RAD51B: variants seen among roughly 807,000 people sequenced by gnomAD.
The protein encoded by RAD51B is DNA repair protein RAD51 homolog 2.
A neutral mutation model predicts 42.2 loss-of-function variants in RAD51B; 38 were observed. The ratio of observed to expected loss-of-function variants is 0.90; its 90% CI spans 0.70 to 1.18. The LOEUF (loss-of-function observed/expected upper bound fraction) is 1.18, where lower values mean the gene tolerates loss of function less well. Among genes scored for constraint, RAD51B ranks in the 50% most tolerant of loss-of-function variants. The pLI, the probability that RAD51B is intolerant of heterozygous loss-of-function variation, is 0.00. For missense variants in RAD51B, 373 were observed against 400.7 expected (o/e 0.93, Z 0.59); for synonymous variants, 154 against 145.2 (o/e 1.06, Z -0.43).
chr14:68,008,537 C>A (rs2075629526), intron 7 of RAD51B, among the ~76,000 whole-genome samples: 1 of 151,764 alleles, frequency 6.6e-6, no homozygotes, highest in East Asian at 1.9e-4. Context: ...CTGAATTTCC[C>A]AGATTTTTAA....
chr14:68,504,374 G>A lies in RAD51B; in HGVS notation c.1036+36124G>A, dbSNP rs1463480399. On this transcript the variant is annotated intron_variant, in intron 10 of 10. Coordinates refer to the RAD51B transcript ENST00000487270. ...AAATCCCCTCTTTGTTCACCCATAT[G>A]CACATTCTTTAATTTAGGCATGGTT... is the stretch of plus-strand genomic sequence containing the variant. 5.3e-5 allele frequency among the ~76,000 whole-genome samples: 8 copies of A among 152,314 alleles called. No individual in the cohort carries two copies. In the East Asian group the frequency reaches 1.5e-3, roughly 29 times the overall value.
chr14:67,953,545 G>C (rs890648243), intron 7 of RAD51B, among the ~76,000 whole-genome samples: 1 of 152,124 alleles, frequency 6.6e-6, no homozygotes, highest in African/African-American at 2.4e-5. Context: ...GCTTTAGAAT[G>C]ATTAATGGGA....
At chr14:68,127,246 C>G (rs1272587456) in intron 7 of RAD51B, among the ~76,000 whole-genome samples, 1 of 152,116 alleles carries the variant, frequency 6.6e-6, no homozygotes, top group African/African-American at 2.4e-5. Flanking sequence ...AGCTATAGAT[C>G]AGGCAACAAC....
intron 10 of RAD51B, among the ~76,000 whole-genome samples, chr14:68,469,293 A>T (rs1043908070): frequency 3.3e-5 from 5 of 152,256 alleles, no homozygotes; most frequent in African/African-American, 1.2e-4. Flanking sequence ...AGCAGGGAAT[A>T]TGCAGGGCAG....
chr14:67,987,338 C>T (rs1180927470), intron 7 of RAD51B, among the ~76,000 whole-genome samples: 1 of 152,058 alleles, frequency 6.6e-6, no homozygotes, highest in Non-Finnish European at 1.5e-5. Flanking sequence ...CCGCTAAGTC[C>T]CCACTACCCT....
intron 10 of RAD51B, chr14:68,497,225 T>C: frequency 7.3e-7 from 1 of 1,373,602 alleles, no homozygotes. Flanking sequence ...GAAAGAGTCT[T>C]GTGGTGAAAC....
intron 7 of RAD51B, among the ~76,000 whole-genome samples, chr14:68,089,619 C>G (rs1163255766): frequency 6.6e-6 from 1 of 152,218 alleles, no homozygotes; most frequent in Admixed American, 6.5e-5. Flanking sequence ...GCCTGGGCCT[C>G]TCAAATTGAG....
At chr14:68,160,152 T>G (rs143574286) in intron 7 of RAD51B, among the ~76,000 whole-genome samples, 1 of 152,294 alleles carries the variant, frequency 6.6e-6, no homozygotes, top group African/African-American at 2.4e-5. Flanking sequence ...TGCTGGGAAA[T>G]GTAACATACT....
chr14:68,418,850 G>C (rs1016364700), intron 9 of RAD51B, among the ~76,000 whole-genome samples: 2 of 152,126 alleles, frequency 1.3e-5, no homozygotes, highest in Non-Finnish European at 2.9e-5. Flanking sequence ...AAAGTAAAAA[G>C]GAAAGAAGGG....
chr14:68,547,268 G>A (rs766361124), intron 10 of RAD51B, among the ~76,000 whole-genome samples: 1 of 152,156 alleles, frequency 6.6e-6, no homozygotes, highest in Non-Finnish European at 1.5e-5. Flanking sequence ...ACCTTGTGTC[G>A]GGATTAACCT....
chr14:68,363,734 G>T (rs1158631595), intron 8 of RAD51B, among the ~76,000 whole-genome samples: 6 of 152,232 alleles, frequency 3.9e-5, no homozygotes, highest in African/African-American at 1.4e-4. Flanking sequence ...CTCCCGGCGG[G>T]GAGTGGGAGT....
intron 10 of RAD51B, among the ~76,000 whole-genome samples, chr14:68,592,000 G>C (rs1467011386): frequency 6.6e-6 from 1 of 152,142 alleles, no homozygotes; most frequent in Non-Finnish European, 1.5e-5. Flanking sequence ...TGACTTCCAG[G>C]TAGTCAAAGA....
intron 7 of RAD51B, among the ~76,000 whole-genome samples, chr14:68,025,689 T>C (rs1429462563): frequency 2.0e-5 from 3 of 151,982 alleles, no homozygotes; most frequent in African/African-American, 7.2e-5. Flanking sequence ...TCTCTGAGGA[T>C]CTTTCGTTTT....
intron 10 of RAD51B, among the ~76,000 whole-genome samples, chr14:68,621,989 A>G (rs950510262): frequency 6.6e-6 from 1 of 152,158 alleles, no homozygotes; most frequent in Non-Finnish European, 1.5e-5. Context: ...AGGCCCACAG[A>G]GGGTTCCTCT....
At chr14:68,540,494 A>G (rs1887903858) in intron 10 of RAD51B, 1 of 985,236 alleles carries the variant, frequency 1.0e-6, no homozygotes, top group Non-Finnish European at 1.2e-6. Flanking sequence ...TTTATTGCTC[A>G]GCTTGTTCCC....
chr14:68,161,591 C>T (rs1028712692), intron 7 of RAD51B, among the ~76,000 whole-genome samples: 1 of 152,140 alleles, frequency 6.6e-6, no homozygotes, highest in South Asian at 2.1e-4. Context: ...TAAGTCTTTT[C>T]CCCCCAAAAG....
intron 9 of RAD51B, among the ~76,000 whole-genome samples, chr14:68,467,842 G>A (rs2140232181): frequency 6.6e-6 from 1 of 152,330 alleles, no homozygotes; most frequent in South Asian, 2.1e-4. Context: ...AATAAAATTA[G>A]AGAATCAAGC....
intron 7 of RAD51B, among the ~76,000 whole-genome samples, chr14:68,141,718 T>A (rs1423741860): frequency 6.6e-6 from 1 of 152,252 alleles, no homozygotes; most frequent in African/African-American, 2.4e-5. Context: ...TGATGTCATT[T>A]TTCCTTCGAA....
At chr14:68,224,982 C>T (rs1481319520) in intron 7 of RAD51B, among the ~76,000 whole-genome samples, 3 of 152,122 alleles carry the variant, frequency 2.0e-5, no homozygotes, top group Admixed American at 6.5e-5. Flanking sequence ...TGAGCCACTG[C>T]GCCCGGCCCA....
Sources: allele counts gnomAD v4.1 joint callset (sites outside exome capture counted in the v4.1 genomes callset), GRCh38; gene constraint gnomAD v4.1.1; transcripts MANE v1.5; gene names NCBI Gene and HGNC (gene_info 2026-07-23, HGNC 2026-07-21).